Variants in PRKX observed in about 807,000 individuals in gnomAD.
PRKX encodes the protein protein kinase cAMP-dependent X-linked catalytic subunit, also known as cAMP-dependent protein kinase catalytic subunit PRKX.
In PRKX, 12 loss-of-function variants were observed where a neutral mutation model predicts 22.0. The ratio of observed to expected loss-of-function variants is 0.54; its 90% CI spans 0.35 to 0.88. PRKX has a LOEUF of 0.88. PRKX is among the 40% of genes least tolerant of loss of function. The pLI is 0.01. For missense variants in PRKX, 217 were observed against 308.0 expected (o/e 0.70, Z 2.21); for synonymous variants, 134 against 137.7 (o/e 0.97, Z 0.19).
intron 2 of PRKX, among the ~76,000 whole-genome samples, chrX:3,671,044 TA>T (rs1300276504): frequency 3.7e-5 from 4 of 109,334 alleles, no homozygotes; most frequent in African/African-American, 1.3e-4. Flanking sequence ...TTTTATTTAT[TA>T]TTATTTTTTG....
At chrX:3,683,171 G>A (rs1034055972) in intron 1 of PRKX, among the ~76,000 whole-genome samples, 20 of 112,072 alleles carry the variant, frequency 1.8e-4, no homozygotes, top group Middle Eastern at 4.6e-3. Context: ...GTTATTTTAA[G>A]GCACCCAGTC....
intron 4 of PRKX, among the ~76,000 whole-genome samples, chrX:3,630,354 A>G (rs1436091777): frequency 9.0e-6 from 1 of 111,252 alleles, no homozygotes; most frequent in Non-Finnish European, 1.9e-5. Flanking sequence ...GGTCAAGGAG[A>G]TCGAGACCAT....
intron 1 of PRKX, among the ~76,000 whole-genome samples, chrX:3,679,808 G>C (rs922295576): frequency 2.7e-5 from 3 of 112,073 alleles, no homozygotes; most frequent in Non-Finnish European, 3.8e-5. Flanking sequence ...CTACTTTTAA[G>C]GTGGGCACGC....
chrX:3,617,756 G>A (rs761038166), intron 6 of PRKX, among the ~76,000 whole-genome samples: 2 of 111,118 alleles, frequency 1.8e-5, no homozygotes, highest in South Asian at 7.7e-4. Context: ...GCTCCTGTAA[G>A]ATTATAATGA....
chrX:3,646,321 C>T, intron 3 of PRKX, among the ~76,000 whole-genome samples: 1 of 111,282 alleles, frequency 9.0e-6, no homozygotes. Context: ...CAGAGAGAAA[C>T]GGATGACATC....
intron 1 of PRKX, among the ~76,000 whole-genome samples, chrX:3,691,859 T>TGATA (rs1440643876): frequency 9.2e-6 from 1 of 109,167 alleles, no homozygotes; most frequent in African/African-American, 3.3e-5. Context: ...GATGATTGAT[T>TGATA]GATTGAATGA....
At chrX:3,644,400 CAAAAAAAAAA>C (rs752467196) in intron 3 of PRKX, among the ~76,000 whole-genome samples, 1 of 37,110 alleles carries the variant, frequency 2.7e-5, no homozygotes, top group African/African-American at 1.3e-4. Context: ...GACACTGTCT[CAAAAAAAAAA>C]AAAAAAAAAA....
chrX:3,659,717 GTTTTTT>G (rs369338597), intron 2 of PRKX, among the ~76,000 whole-genome samples: 21 of 28,031 alleles, frequency 7.5e-4, no homozygotes, highest in South Asian at 1.5e-3. Context: ...TGTTTTTTTT[GTTTTTT>G]TTTTTGTTTT....
chrX:3,651,628 C>T (rs763325592), intron 3 of PRKX, among the ~76,000 whole-genome samples: 1 of 111,657 alleles, frequency 9.0e-6, no homozygotes, highest in African/African-American at 3.2e-5. Flanking sequence ...GAGCCCTTTT[C>T]TAAAAGCTGC....
chrX:3,611,080 T>C (rs1414887386), intron 8 of PRKX: 2 of 112,115 alleles, frequency 1.8e-5, no homozygotes, highest in African/African-American at 6.5e-5. Flanking sequence ...GGTGAAGCCA[T>C]GCCATGGAGA....
At chrX:3,666,508 T>C (rs1056195796) in intron 2 of PRKX, among the ~76,000 whole-genome samples, 4 of 111,534 alleles carry the variant, frequency 3.6e-5, no homozygotes, top group African/African-American at 1.3e-4. Context: ...TGGACGCTCA[T>C]GCCTGTAATC....
chrX:3,629,711 G>C (rs11798804), intron 4 of PRKX, among the ~76,000 whole-genome samples: 27,532 of 111,081 alleles, frequency 0.25, 2,848 homozygotes, highest in African/African-American at 0.39. Context: ...CTGGAGTGCA[G>C]TGGTGCAATC....
intron 3 of PRKX, among the ~76,000 whole-genome samples, chrX:3,650,284 G>A (rs776743687): frequency 1.0e-4 from 11 of 110,266 alleles, no homozygotes; most frequent in Non-Finnish European, 2.1e-4. Flanking sequence ...CACTCTGGGA[G>A]GCCGAGGCGG....
chrX:3,643,753 A>G (rs1927131597), intron 3 of PRKX, among the ~76,000 whole-genome samples: 1 of 111,822 alleles, frequency 8.9e-6, no homozygotes, highest in Non-Finnish European at 1.9e-5. Flanking sequence ...TAAAGAGAAC[A>G]AAAAACAAGT....
intron 3 of PRKX, among the ~76,000 whole-genome samples, chrX:3,643,366 T>C (rs770564667): frequency 9.0e-6 from 1 of 111,729 alleles, no homozygotes; most frequent in Admixed American, 9.5e-5. Flanking sequence ...TGCATTTTGG[T>C]TACAGAAGAA....
intron 1 of PRKX, among the ~76,000 whole-genome samples, chrX:3,698,478 T>C (rs375115088): frequency 1.1e-3 from 124 of 111,541 alleles, no homozygotes; most frequent in African/African-American, 4.0e-3. Context: ...TGAGCCACCG[T>C]GTCCAGAAAA....
chrX:3,682,405 C>G (rs6641839), intron 1 of PRKX, among the ~76,000 whole-genome samples: 19,004 of 110,163 alleles, frequency 0.17, 1,352 homozygotes, highest in East Asian at 0.42. Flanking sequence ...ACCTTAGTTG[C>G]AAACAGGGTC....
At chrX:3,619,081 G>A (rs1366821751) in intron 6 of PRKX, among the ~76,000 whole-genome samples, 1 of 112,575 alleles carries the variant, frequency 8.9e-6, no homozygotes, top group Non-Finnish European at 1.9e-5. Context: ...CTATCCCCCA[G>A]TGCCTGTGAA....
At chrX:3,693,832 T>C (rs1207281673) in intron 1 of PRKX, among the ~76,000 whole-genome samples, 1 of 100,906 alleles carries the variant, frequency 9.9e-6, no homozygotes, top group Admixed American at 1.1e-4. Flanking sequence ...CCCAGCTACT[T>C]GGGAGGCTGA....
Sources: gnomAD v4.1 joint callset for allele counts (sites outside exome capture counted in the v4.1 genomes callset) on GRCh38, gnomAD v4.1.1 for gene constraint, MANE v1.5 for transcripts, NCBI Gene and HGNC (gene_info 2026-07-23, HGNC 2026-07-21) for gene names.